The following SEC31A variants were observed in gnomAD, a reference collection of about 807,000 sequenced individuals.
The protein encoded by SEC31A is SEC31 homolog A, COPII component.
Under a neutral mutation model 151.0 loss-of-function variants are expected in SEC31A, and 70 were observed. The observed-to-expected ratio is 0.46, with a 90% CI of 0.38 to 0.57. The LOEUF is 0.57. SEC31A is among the 20% of genes least tolerant of loss of function. The pLI is 0.00. For missense variants in SEC31A, 1,330 were observed against 1,471.2 expected, an observed-to-expected ratio of 0.90 and a Z score of 1.57; for synonymous variants, 475 against 505.9, an observed-to-expected ratio of 0.94 and a Z score of 0.82.
chr4:82,828,593 A>C (rs910557052), intron 23 of SEC31A, among the ~76,000 whole-genome samples: 4 of 150,178 alleles, frequency 2.7e-5, no homozygotes, highest in African/African-American at 9.8e-5. Context: ...TATTTCATTC[A>C]TACTATACGT....
At chr4:82,828,667 G>A (rs1480201778) in intron 23 of SEC31A, among the ~76,000 whole-genome samples, 1 of 8,664 alleles carries the variant, frequency 1.2e-4, no homozygotes, top group Non-Finnish European at 2.1e-4. Flanking sequence ...AAAGACCAAA[G>A]TAACTCAAAA....
At chr4:82,890,948 G>A in intron 1 of SEC31A, 140 bp downstream of exon 1, 6 of 1,441,630 alleles carry the variant, frequency 4.2e-6, no homozygotes, top group Non-Finnish European at 5.5e-6. Flanking sequence ...ACCAAGACTA[G>A]GGGCGCGCCG....
chr4:82,830,335 C>A (rs1266192253), intron 22 of SEC31A, among the ~76,000 whole-genome samples: 3 of 152,138 alleles, frequency 2.0e-5, no homozygotes, highest in Non-Finnish European at 2.9e-5. Flanking sequence ...GTGGTGCATG[C>A]CTGTAGTCTC....
chr4:82,848,008 T>C (rs1191165549), intron 20 of SEC31A, among the ~76,000 whole-genome samples: 1 of 152,154 alleles, frequency 6.6e-6, no homozygotes, highest in Non-Finnish European at 1.5e-5. Flanking sequence ...GTAAAAAGAC[T>C]CCATCAATCC....
Position 82,818,998 on chromosome 4 carries a change from C to G in SEC31A, c.*76G>C. The G allele has an allele frequency of 8.0e-7, 1 of 1,249,530 alleles. No individual in the cohort carries two copies. The highest frequency in any genetic ancestry group is 1.1e-6 in the Non-Finnish European group (1 of 899,826). The allele number at this position is 1,249,530 out of a possible 1,614,324, so 77.4% of individuals were successfully genotyped here. A position where few individuals can be genotyped will look rare whatever the true frequency, so the allele number is the denominator to read the frequency against. On this transcript the variant is annotated 3_prime_UTR_variant, in exon 27 of 27. Coordinates refer to ENST00000395310, the MANE Select transcript of SEC31A (RefSeq NM_001077207.4). Reference sequence around the variant, plus strand: ...TGCAAACATGCTAATGAGGACTAGTCCATGTCTTATAATTTTTTTTTTTAA... The same window carrying G: ...TGCAAACATGCTAATGAGGACTAGTGCATGTCTTATAATTTTTTTTTTTAA...
chr4:82,848,021 T>C (rs1427726323), intron 20 of SEC31A, among the ~76,000 whole-genome samples: 3 of 152,180 alleles, frequency 2.0e-5, no homozygotes, highest in African/African-American at 7.2e-5. Flanking sequence ...ATCAATCCTA[T>C]CAGCAATTTG....
At chr4:82,892,124 A>C (rs142057780), upstream of SEC31A, among the ~76,000 whole-genome samples, 62 of 152,374 alleles carry the variant, frequency 4.1e-4, no homozygotes, top group Middle Eastern at 3.4e-3. Flanking sequence ...AGACAGCTTA[A>C]CATCAATTCA....
intron 25 of SEC31A, chr4:82,821,421 G>A (rs1001066735): frequency 3.0e-5 from 7 of 231,748 alleles, no homozygotes; most frequent in Non-Finnish European, 4.2e-5. Flanking sequence ...AGTGGCAGGC[G>A]CCTGTAATCC....
At chr4:82,866,718 C>T (rs1271755187) in intron 10 of SEC31A, 90 bp downstream of exon 10, 4 of 1,137,392 alleles carry the variant, frequency 3.5e-6, no homozygotes, top group African/African-American at 1.6e-5. Flanking sequence ...AACTTAAACC[C>T]TGATTGCTTC....
intron 7 of SEC31A, chr4:82,871,441 T>C (rs1736652645): frequency 6.8e-7 from 1 of 1,476,998 alleles, no homozygotes; most frequent in South Asian, 1.2e-5. Flanking sequence ...AGCAAAACAA[T>C]GGATAACAAA....
intron 18 of SEC31A, among the ~76,000 whole-genome samples, 173 bp from the exon 19 acceptor site, chr4:82,851,777 G>C (rs959647747): frequency 4.6e-5 from 7 of 152,156 alleles, no homozygotes; most frequent in Non-Finnish European, 8.8e-5. Context: ...GTAGTAAGGA[G>C]GAAGAAGGCC....
chr4:82,871,965 C>T lies in SEC31A; in HGVS notation c.761G>A (p.Arg254His), dbSNP rs564747228. 1.2e-5 allele frequency: 19 copies of T among 1,614,084 alleles called. No homozygotes were observed. Among genetic ancestry groups the T allele is most frequent in the South Asian group, 3.3e-5 (3 of 91,082 alleles). Reference sequence around the variant, plus strand: ...ATACCTGGCATGGTTTTCCAGGACACGAAGTGGAGAGGAAGCAAATCGAAG... The same window carrying T: ...ATACCTGGCATGGTTTTCCAGGACATGAAGTGGAGAGGAAGCAAATCGAAG... ...WDLRFASSPL[R>H]VLENHARGIL... Residue 254 changes from arginine to histidine, a missense_variant, in exon 7 of 27, where the codon CGT becomes CAT. Transcript: ENST00000395310.
intron 4 of SEC31A, among the ~76,000 whole-genome samples, chr4:82,877,101 T>C (rs1313650781): frequency 6.6e-6 from 1 of 152,072 alleles, no homozygotes; most frequent in Admixed American, 6.6e-5. Context: ...TTGTGGCTCA[T>C]GCCTGTAGTC....
At chr4:82,900,421 C>T (rs1264271200) in exon 1 of SEC31A, 1 of 241,384 alleles carries the variant, frequency 4.1e-6, no homozygotes, top group Non-Finnish European at 8.2e-6. Context: ...TTGGTCCTGC[C>T]TCTCTGCTTC....
At chr4:82,876,872 T>C (rs1014342859) in intron 4 of SEC31A, among the ~76,000 whole-genome samples, 3 of 152,194 alleles carry the variant, frequency 2.0e-5, no homozygotes, top group African/African-American at 7.2e-5. Flanking sequence ...TAACACAAAA[T>C]ACTTTATTAA....
chr4:82,889,406 T>TGG (rs1302155316), intron 1 of SEC31A, among the ~76,000 whole-genome samples: 1 of 152,040 alleles, frequency 6.6e-6, no homozygotes, highest in African/African-American at 2.4e-5. Flanking sequence ...TAAGATTAGT[T>TGG]GGGCGTGCGC....
intron 4 of SEC31A, among the ~76,000 whole-genome samples, chr4:82,876,107 C>CTTTTTTTT (rs200156848): frequency 7.9e-6 from 1 of 127,214 alleles, no homozygotes; most frequent in African/African-American, 2.8e-5. Flanking sequence ...TGGATAAATT[C>CTTTTTTTT]TTTTTTTTTT....
In SEC31A at chr4:82,874,607, T is replaced by G; in HGVS notation, c.639+4A>C. ...TGTTCATCACAAGTCAATCACATAC[T>G]TACTCTGTTACTATGGTCACTGACT... On this transcript the variant is annotated splice_donor_region_variant and intron_variant, in intron 6 of 26. Transcript: ENST00000395310. 1 of 1,603,144 alleles carries G rather than the reference T, an allele frequency of 6.2e-7. No homozygotes were observed. Among genetic ancestry groups the G allele is most frequent in the Non-Finnish European group, 8.5e-7 (1 of 1,177,574 alleles).
chr4:82,832,432 G>A (rs1255104598), intron 22 of SEC31A, among the ~76,000 whole-genome samples: 3 of 152,154 alleles, frequency 2.0e-5, no homozygotes, highest in Admixed American at 2.0e-4. Context: ...AGACTTAAAT[G>A]TAAGACCTAG....
Sources: gnomAD v4.1 joint callset for allele counts (sites outside exome capture counted in the v4.1 genomes callset) on GRCh38, gnomAD v4.1.1 for gene constraint, MANE v1.5 for transcripts, NCBI Gene and HGNC (gene_info 2026-07-23, HGNC 2026-07-21) for gene names.